The following IGSF11 variants were observed in gnomAD, a reference collection of about 807,000 sequenced individuals.
IGSF11 encodes the protein CXADR like 1.
IGSF11 carries 22 observed loss-of-function variants against 41.0 expected under a neutral mutation model. That is an observed-to-expected ratio of 0.54 (90% CI 0.38 to 0.77). The LOEUF (loss-of-function observed/expected upper bound fraction) is 0.77. Ranked by LOEUF, IGSF11 falls within the 30% of genes least tolerant of loss-of-function variation. The probability of loss-of-function intolerance (pLI) is 0.00; values close to 1 mark genes in which losing one functional copy is unlikely to be tolerated. For synonymous variants in IGSF11, 219 were observed against 201.3 expected (o/e 1.09, Z -0.74); for missense variants, 444 against 530.8 (o/e 0.84, Z 1.61).
intron 1 of IGSF11, among the ~76,000 whole-genome samples, chr3:118,978,855 A>C (rs1934411123): frequency 6.6e-6 from 1 of 152,234 alleles, no homozygotes; most frequent in African/African-American, 2.4e-5. Flanking sequence ...TACCAATGTA[A>C]GGACACAGAA....
chr3:118,977,381 A>AGGC (rs773522458), intron 1 of IGSF11, among the ~76,000 whole-genome samples: 6 of 152,184 alleles, frequency 3.9e-5, no homozygotes, highest in Non-Finnish European at 7.3e-5. Context: ...GGAACCTCTG[A>AGGC]GGCATGTTCT....
rs1559870357 is a variant in IGSF11, at chr3:118,905,636, A to G, written c.663T>C (p.Ile221=). ...GATCCAGAAGACAGGTGCTGGTTCCAATAGCATTAGAAGCCACGCACTGGT... is the reference window on the plus strand; with the variant it reads ...GATCCAGAAGACAGGTGCTGGTTCCGATAGCATTAGAAGCCACGCACTGGT... The part of the protein sequence containing the change: ...GLYQCVASNA[I]GTSTCLLDLQ... Residue 221 remains isoleucine, a synonymous_variant, in exon 5 of 7, where the codon ATT becomes ATC. Transcript: ENST00000393775. 7.4e-6 allele frequency: 12 copies of G among 1,613,952 alleles called. No homozygotes were observed. The highest frequency in any genetic ancestry group is 8.5e-6 in the Non-Finnish European group (10 of 1,179,846).
At chr3:119,017,186 A>G (rs1029980722) in intron 1 of IGSF11, among the ~76,000 whole-genome samples, 3 of 152,314 alleles carry the variant, frequency 2.0e-5, no homozygotes, top group Non-Finnish European at 4.4e-5. Flanking sequence ...GTCACGTTTC[A>G]CTTAATGACA....
At chr3:118,957,021 T>C (rs1327923512) in intron 1 of IGSF11, among the ~76,000 whole-genome samples, 2 of 151,940 alleles carry the variant, frequency 1.3e-5, no homozygotes, top group Non-Finnish European at 2.9e-5. Context: ...AGAAGTCCCA[T>C]GATTTTCCAT....
At chr3:119,044,650 G>C (rs935362656) in intron 1 of IGSF11, among the ~76,000 whole-genome samples, 1 of 152,162 alleles carries the variant, frequency 6.6e-6, no homozygotes, top group Non-Finnish European at 1.5e-5. Flanking sequence ...AATCTTAAGA[G>C]TTGTGAGGTA....
rs546077414 is a variant in IGSF11, at chr3:118,973,915, C to G, written c.53-43640G>C. On this transcript the variant is annotated intron_variant, in intron 1 of 6. Coordinates refer to ENST00000393775, the MANE Select transcript of IGSF11 (RefSeq NM_001015887.3). Reference sequence around the variant, plus strand: ...GAGCTGAACAATGAGAACACACGCACACAGGGAGGGGAACAACACACACTG... The same window carrying G: ...GAGCTGAACAATGAGAACACACGCAGACAGGGAGGGGAACAACACACACTG... Among the ~76,000 whole-genome samples the G allele has an allele frequency of 3.9e-5, 6 of 152,138 alleles. No individual in the cohort carries two copies. In the South Asian group the frequency reaches 1.0e-3, roughly 26 times the overall value.
At chr3:118,903,185 T>C (rs1446587069) in intron 6 of IGSF11, among the ~76,000 whole-genome samples, 1 of 152,058 alleles carries the variant, frequency 6.6e-6, no homozygotes, top group East Asian at 1.9e-4. Context: ...AGCTTCTCAG[T>C]CTCCAACAGT....
chr3:118,995,029 A>G (rs961939727), intron 1 of IGSF11, among the ~76,000 whole-genome samples: 2 of 152,228 alleles, frequency 1.3e-5, no homozygotes, highest in Admixed American at 6.5e-5. Flanking sequence ...GCGTCATGCA[A>G]AAAATGTCAG....
At chr3:118,922,854 T>C (rs1280244688) in intron 4 of IGSF11, among the ~76,000 whole-genome samples, 2 of 152,114 alleles carry the variant, frequency 1.3e-5, no homozygotes, top group African/African-American at 2.4e-5. Flanking sequence ...GACAGTTCTT[T>C]GGGTGGTCTG....
In IGSF11 at chr3:119,021,155, T is replaced by C. The variant is rs144751565; in HGVS notation, c.52+13376A>G. On this transcript the variant is annotated intron_variant, in intron 1 of 6. Coordinates refer to ENST00000393775, the MANE Select transcript of IGSF11 (RefSeq NM_001015887.3). ...TTTGGCCACAGGTTAAAATCCCTTA[T>C]ACAATACAAATGTAGGCAGTGGTTA... 1.6e-3 allele frequency among the ~76,000 whole-genome samples: 241 copies of C among 152,306 alleles called. 2 individuals carry two copies. Among genetic ancestry groups the C allele is most frequent in the African/African-American group, 4.8e-3 (199 of 41,584 alleles).
chr3:118,939,728 C>T (rs1943539507), intron 1 of IGSF11, among the ~76,000 whole-genome samples: 1 of 152,126 alleles, frequency 6.6e-6, no homozygotes, highest in Non-Finnish European at 1.5e-5. Context: ...AAAGTAACAG[C>T]AGCATCTAAA....
intron 1 of IGSF11, among the ~76,000 whole-genome samples, chr3:118,991,758 G>T (rs1935812963): frequency 6.6e-6 from 1 of 152,094 alleles, no homozygotes; most frequent in African/African-American, 2.4e-5. Flanking sequence ...TTTAGAAAAT[G>T]AACAAATTCT....
chr3:118,961,294 A>C (rs555507440), intron 1 of IGSF11, among the ~76,000 whole-genome samples: 1 of 152,324 alleles, frequency 6.6e-6, no homozygotes, highest in Admixed American at 6.5e-5. Context: ...CTCTGCTAAC[A>C]AAGTCCCTGC....
chr3:119,120,623 C>T (rs1408062228), intron 1 of IGSF11, among the ~76,000 whole-genome samples: 6 of 152,196 alleles, frequency 3.9e-5, no homozygotes, highest in Non-Finnish European at 7.3e-5. Context: ...GTGCCATTTA[C>T]ATAGCCCGTG....
intron 1 of IGSF11, among the ~76,000 whole-genome samples, chr3:119,070,422 G>A (rs1166404359): frequency 6.6e-6 from 1 of 152,080 alleles, no homozygotes; most frequent in African/African-American, 2.4e-5. Flanking sequence ...TAAAGTGATG[G>A]GAGTTGAACT....
chr3:119,141,353 T>C (rs1222111399), intron 1 of IGSF11, among the ~76,000 whole-genome samples: 1 of 150,838 alleles, frequency 6.6e-6, no homozygotes, highest in Non-Finnish European at 1.5e-5. Flanking sequence ...TTTTCCACCT[T>C]AAAAAACTAT....
At position 118,902,844 on chromosome 3, in the gene IGSF11, G is replaced by C. The variant is rs1171838551; in HGVS notation, c.972C>G (p.Asn324Lys). ...SNAYNSRYWS[N>K]NPKVHRNTES... ...CTGTGTTTCTATGAACTTTTGGATT[G>C]TTGCTCCAGTATCGACTGTTGTAGG... Residue 324 changes from asparagine to lysine, a missense_variant, in exon 7 of 7, where the codon AAC becomes AAG. Coordinates refer to ENST00000393775, the MANE Select transcript of IGSF11 (RefSeq NM_001015887.3). 1.9e-6 allele frequency: 3 copies of C among 1,614,044 alleles called. No individual in the cohort carries two copies. Among genetic ancestry groups the C allele is most frequent in the African/African-American group, 1.3e-5 (1 of 74,926 alleles).
At chr3:118,935,395 CATACACACACACAT>C in intron 1 of IGSF11, among the ~76,000 whole-genome samples, 1 of 102,578 alleles carries the variant, frequency 9.7e-6, no homozygotes, top group Non-Finnish European at 1.9e-5. Flanking sequence ...CACACACACA[CATACACACACACAT>C]ATACATACGT....
chr3:118,907,353 T>C (rs1939733445), intron 4 of IGSF11, among the ~76,000 whole-genome samples: 1 of 152,076 alleles, frequency 6.6e-6, no homozygotes, highest in Non-Finnish European at 1.5e-5. Context: ...AGGATGGTGA[T>C]AAAATAATGA....
Sources: gnomAD v4.1 joint callset for allele counts (sites outside exome capture counted in the v4.1 genomes callset) on GRCh38, gnomAD v4.1.1 for gene constraint, MANE v1.5 for transcripts, NCBI Gene and HGNC (gene_info 2026-07-23, HGNC 2026-07-21) for gene names.